The following HDAC4 variants were observed in gnomAD, a reference collection of about 807,000 sequenced individuals.
HDAC4 encodes histone deacetylase A.
In HDAC4, 16 loss-of-function variants were observed where a neutral mutation model predicts 135.1. That is an observed-to-expected ratio of 0.12 (90% CI 0.08 to 0.18). The LOEUF (loss-of-function observed/expected upper bound fraction) is 0.18. Ranked by LOEUF, HDAC4 falls within the 10% of genes least tolerant of loss-of-function variation. The pLI, the probability that HDAC4 is intolerant of heterozygous loss-of-function variation, is 1.00. For synonymous variants in HDAC4, 685 were observed against 653.4 expected (o/e 1.05, Z -0.74); for missense variants, 1,143 against 1,511.8 (o/e 0.76, Z 4.05).
At chr2:239,072,305 C>T (rs1205390092) in intron 22 of HDAC4, among the ~76,000 whole-genome samples, 2 of 152,156 alleles carry the variant, frequency 1.3e-5, no homozygotes, top group Non-Finnish European at 2.9e-5. Flanking sequence ...TCAAAATATG[C>T]ATTTTCTACG....
intron 6 of HDAC4, among the ~76,000 whole-genome samples, chr2:239,160,227 T>A (rs968113694): frequency 6.6e-6 from 1 of 152,216 alleles, no homozygotes; most frequent in African/African-American, 2.4e-5. Flanking sequence ...ATAAAAACCA[T>A]CCTTTCAACT....
At chr2:239,241,084 T>C (rs1160632685) in intron 2 of HDAC4, among the ~76,000 whole-genome samples, 2 of 152,150 alleles carry the variant, frequency 1.3e-5, no homozygotes, top group African/African-American at 4.8e-5. Flanking sequence ...GGAATCCAGT[T>C]CTGTCTCAAT....
intron 2 of HDAC4, among the ~76,000 whole-genome samples, chr2:239,322,363 G>A (rs2053343872): frequency 6.6e-6 from 1 of 152,284 alleles, no homozygotes; most frequent in South Asian, 2.1e-4. Context: ...CCTTGGGCCA[G>A]TGACTTCCTT....
chr2:239,060,356 G>A (rs1228178390), intron 24 of HDAC4, among the ~76,000 whole-genome samples: 4 of 152,208 alleles, frequency 2.6e-5, no homozygotes, highest in East Asian at 3.8e-4. Context: ...TCACACCACC[G>A]CTCTCTCCTT....
At chr2:239,213,469 C>G (rs2046451099) in intron 3 of HDAC4, among the ~76,000 whole-genome samples, 1 of 152,222 alleles carries the variant, frequency 6.6e-6, no homozygotes, top group Non-Finnish European at 1.5e-5. Flanking sequence ...CTTCTGGACC[C>G]TACACAAACA....
chr2:239,104,161 G>T (rs1412990510), intron 15 of HDAC4, among the ~76,000 whole-genome samples: 3 of 152,328 alleles, frequency 2.0e-5, no homozygotes, highest in Middle Eastern at 3.4e-3. Context: ...CAGGCAGGAG[G>T]GACGTACTCT....
chr2:239,224,417 T>G (rs754145159), intron 3 of HDAC4, among the ~76,000 whole-genome samples: 1 of 152,196 alleles, frequency 6.6e-6, no homozygotes, highest in Non-Finnish European at 1.5e-5. Flanking sequence ...GGAGCCTCCA[T>G]GTCACTCAAA....
Position 239,115,252 on chromosome 2 carries a change from T to G in HDAC4, c.1592A>C (p.Glu531Ala). 4 of 1,613,142 alleles carry G rather than the reference T, an allele frequency of 2.5e-6. No individual in the cohort carries two copies. Among genetic ancestry groups the G allele is most frequent in the Non-Finnish European group, 3.4e-6 (4 of 1,179,824 alleles). Residue 531 changes from glutamate to alanine, a missense_variant, in exon 13 of 27, where the codon GAG (glutamate) becomes GCG (alanine). Transcript: ENST00000543185. The surrounding 1 kb of genome is among the most constrained non-coding windows in gnomAD (Gnocchi z 6.3). ...RQPESHPEET[E>A]EELREHQALL... is the part of the protein sequence containing the mutation. ...AGCCTGGTGCTCACGGAGCTCCTCC[T>G]CCGTCTCCTCCGGGTGGCTCTCCGG... is the stretch of plus-strand genomic sequence containing the variant.
intron 7 of HDAC4, among the ~76,000 whole-genome samples, chr2:239,156,181 T>C (rs965904660): frequency 1.3e-5 from 2 of 152,190 alleles, no homozygotes; most frequent in Non-Finnish European, 2.9e-5. Context: ...CTGCAGGACA[T>C]AGCGAATTTC....
Position 239,134,336 on chromosome 2 carries a change from G to T in HDAC4, c.1203C>A (p.Pro401=). 2.5e-6 allele frequency: 4 copies of T among 1,614,006 alleles called. No individual in the cohort carries two copies. The highest frequency in any genetic ancestry group is 2.5e-6 in the Non-Finnish European group (3 of 1,180,018). The change falls in exon 11 of 27, where the codon CCC becomes CCA. Residue 401 remains proline (P), a synonymous_variant. Coordinates refer to ENST00000543185, the MANE Select transcript of HDAC4 (RefSeq NM_001378414.1). ...THLTPYLSTS[P]LERDGGAAHS... ...GCGCTGCCCCTCCGTCCCGCTCCAA[G>T]GGCGAGGTGCTCAGGTAGGGAGTGA...
intron 18 of HDAC4, among the ~76,000 whole-genome samples, chr2:239,088,808 CCT>C (rs1216018534): frequency 1.3e-5 from 2 of 152,178 alleles, no homozygotes; most frequent in African/African-American, 4.8e-5. Flanking sequence ...CGGCTCTGCC[CCT>C]GTGAGCCTGC....
In HDAC4 at chr2:239,202,989, G is replaced by T. The variant is rs566011859; in HGVS notation, c.95-12912C>A. Among the ~76,000 whole-genome samples, 85 of 152,290 alleles carry T rather than the reference G, an allele frequency of 5.6e-4. 1 individual carries two copies. Among genetic ancestry groups the T allele is most frequent in the Non-Finnish European group, 1.0e-3 (70 of 68,016 alleles). On this transcript the variant is annotated intron_variant, in intron 3 of 26. Transcript: ENST00000543185. The stretch of plus-strand genomic sequence containing the variant: ...GCCGCACCTGGATGTAGGCTACGGG[G>T]TGCAGCACAGCCCAGGCAGCAAGCC...
chr2:239,191,740 C>T (rs3791562), intron 3 of HDAC4, among the ~76,000 whole-genome samples: 25,117 of 152,156 alleles, frequency 0.17, 2,272 homozygotes, highest in East Asian at 0.27. Flanking sequence ...CCTGCCCCAC[C>T]GCAGTCAATC....
At chr2:239,263,773 G>A (rs1345165487) in intron 2 of HDAC4, among the ~76,000 whole-genome samples, 1 of 152,230 alleles carries the variant, frequency 6.6e-6, no homozygotes, top group African/African-American at 2.4e-5. Flanking sequence ...GCCCAGTGCT[G>A]CTGTCCTGGG....
At chr2:239,092,247 A>G (rs75487115) in intron 17 of HDAC4, among the ~76,000 whole-genome samples, 1 of 75,946 alleles carries the variant, frequency 1.3e-5, no homozygotes, top group Non-Finnish European at 2.3e-5. Flanking sequence ...TCCAAAGAGG[A>G]AAAAAAAAAA....
At chr2:239,177,216 G>C (rs1038823819) in intron 4 of HDAC4, among the ~76,000 whole-genome samples, 3 of 152,200 alleles carry the variant, frequency 2.0e-5, no homozygotes, top group African/African-American at 7.2e-5. Context: ...GGCAGAGGGT[G>C]AAAGAGCAGA....
rs1426864882 is a variant in HDAC4, at chr2:239,285,477, G to A, written c.23-48813C>T. ...GCGGGGAGGCAGAGGAGCAGTGCCGGCTGCCAGCAAGTGTCTCCGCCGCGG... is the reference window on the plus strand; with the variant it reads ...GCGGGGAGGCAGAGGAGCAGTGCCGACTGCCAGCAAGTGTCTCCGCCGCGG... On this transcript the variant is annotated intron_variant, in intron 2 of 26. Transcript: ENST00000543185. The surrounding 1 kb of genome is among the most constrained non-coding windows in gnomAD (Gnocchi z 4.5). 6.6e-6 allele frequency among the ~76,000 whole-genome samples: 1 copy of A among 152,214 alleles called. No individual in the cohort carries two copies. Among genetic ancestry groups the A allele is most frequent in the Non-Finnish European group, 1.5e-5 (1 of 68,032 alleles).
chr2:239,260,776 C>T lies in HDAC4; in HGVS notation c.23-24112G>A, dbSNP rs543898867. ...GCACGCCTTCCACCTGGGGCCCGAG[C>T]GCTGCCTCTCTTTCCCATGGAGGGC... is the stretch of plus-strand genomic sequence containing the variant. On this transcript the variant is annotated intron_variant, in intron 2 of 26. Coordinates refer to ENST00000543185, the MANE Select transcript of HDAC4 (RefSeq NM_001378414.1). 1.1e-4 allele frequency among the ~76,000 whole-genome samples: 16 copies of T among 152,330 alleles called. No homozygotes were observed. In the South Asian group the frequency reaches 2.3e-3, roughly 22 times the overall value.
At chr2:239,096,505 A>T (rs2037073488) in intron 16 of HDAC4, among the ~76,000 whole-genome samples, 1 of 39,588 alleles carries the variant, frequency 2.5e-5, no homozygotes, top group Non-Finnish European at 4.7e-5. Flanking sequence ...GCCCCCATGG[A>T]CACCCACACC....
Sources: gnomAD v4.1 joint callset for allele counts (sites outside exome capture counted in the v4.1 genomes callset) on GRCh38, gnomAD v4.1.1 for gene constraint, Gnocchi (gnomAD v3.1) non-coding constraint, MANE v1.5 for transcripts, NCBI Gene and HGNC (gene_info 2026-07-23, HGNC 2026-07-21) for gene names.